Variants in SLC6A2 observed in about 807,000 individuals in gnomAD.
SLC6A2 encodes solute carrier family 6 member 2.
SLC6A2 carries 26 observed loss-of-function variants against 71.7 expected under a neutral mutation model. The ratio of observed to expected loss-of-function variants is 0.36; its 90% CI spans 0.27 to 0.50. The LOEUF (loss-of-function observed/expected upper bound fraction) is 0.50, where lower values mean the gene tolerates loss of function less well. Ranked by LOEUF, SLC6A2 falls within the 20% of genes least tolerant of loss-of-function variation. The pLI is 0.96. For missense variants in SLC6A2, 581 were observed against 803.9 expected (o/e 0.72, Z 3.35); for synonymous variants, 363 against 337.9 (o/e 1.07, Z -0.82).
At chr16:55,662,939 C>G (rs1964648827) in intron 2 of SLC6A2, among the ~76,000 whole-genome samples, 1 of 152,206 alleles carries the variant, frequency 6.6e-6, no homozygotes, top group African/African-American at 2.4e-5. Flanking sequence ...CAGACACCAG[C>G]TGAGTGCCTC....
intron 8 of SLC6A2, 105 bp downstream of exon 8, chr16:55,695,507 T>G (rs926312304): frequency 4.4e-6 from 6 of 1,350,250 alleles, no homozygotes; most frequent in Non-Finnish European, 6.3e-6. Flanking sequence ...AATACTGGGT[T>G]GTCCATGGAG....
chr16:55,664,210 C>A (rs577744534), intron 2 of SLC6A2, among the ~76,000 whole-genome samples: 2 of 152,168 alleles, frequency 1.3e-5, no homozygotes, highest in Admixed American at 6.5e-5. Flanking sequence ...TCCTGTCCCC[C>A]GCTCTGGCCG....
At chr16:55,683,152 G>T (rs1965331943) in intron 4 of SLC6A2, among the ~76,000 whole-genome samples, 1 of 152,200 alleles carries the variant, frequency 6.6e-6, no homozygotes, top group Non-Finnish European at 1.5e-5. Flanking sequence ...TACTGTTTCA[G>T]CAGTCAGTCT....
Position 55,656,492 on chromosome 16 carries a change from A to AT in SLC6A2, c.-51-147dup. 2 of 644,938 alleles carry AT rather than the reference A, an allele frequency of 3.1e-6. No individual in the cohort carries two copies. Among genetic ancestry groups the AT allele is most frequent in the Non-Finnish European group, 5.4e-6 (2 of 371,152 alleles). 40.0% of individuals were successfully genotyped at this position (644,938 alleles called of 1,614,324 possible). ...GGCGTGCCCCAACCTCTGTTTCCAA[A>AT]TTTTTCCAGCGGACGCGCGCCCTTT... On this transcript the variant is annotated intron_variant, in intron 1 of 14. Transcript: ENST00000568943. The surrounding 1 kb of genome is among the most constrained non-coding windows in gnomAD (Gnocchi z 4.5).
intron 13 of SLC6A2, 28 bp downstream of exon 13, chr16:55,700,334 A>G (rs748666837): frequency 9.7e-7 from 1 of 1,026,768 alleles, no homozygotes; most frequent in Non-Finnish European, 1.4e-6. Flanking sequence ...CCAGGGGAAC[A>G]GGGTGGGAGG....
intron 5 of SLC6A2, among the ~76,000 whole-genome samples, chr16:55,688,814 C>G (rs951990179): frequency 3.3e-5 from 5 of 152,174 alleles, no homozygotes; most frequent in African/African-American, 1.2e-4. Flanking sequence ...ACCTCACCAC[C>G]TTCCTGGGCA....
chr16:55,658,786 T>G lies in SLC6A2; in HGVS notation c.274+1818T>G, dbSNP rs1021684804. On this transcript the variant is annotated intron_variant, in intron 2 of 14. Transcript: ENST00000568943. ...GATCCGTGGGGAAACAACTTGTGAC[T>G]CTGCGGGCTCAATGTTTGTGTCTGG... 1.1e-4 allele frequency among the ~76,000 whole-genome samples: 17 copies of G among 152,282 alleles called. No individual in the cohort carries two copies. In the East Asian group the frequency reaches 3.3e-3, roughly 29 times the overall value.
intron 5 of SLC6A2, among the ~76,000 whole-genome samples, chr16:55,689,163 C>A (rs1371078169): frequency 6.6e-6 from 1 of 152,194 alleles, no homozygotes; most frequent in East Asian, 1.9e-4. Context: ...CCAAGCCTTT[C>A]TTCTGTTTAC....
At chr16:55,676,734 C>A (rs186424573) in intron 4 of SLC6A2, among the ~76,000 whole-genome samples, 61 of 152,344 alleles carry the variant, frequency 4.0e-4, no homozygotes, top group African/African-American at 1.4e-3. Context: ...CCTTTCTATA[C>A]TACATTTTAA....
intron 4 of SLC6A2, among the ~76,000 whole-genome samples, chr16:55,676,101 C>T (rs2142528354): frequency 6.6e-6 from 1 of 152,282 alleles, no homozygotes; most frequent in Non-Finnish European, 1.5e-5. Flanking sequence ...ATCCATGATT[C>T]CCATGGACTT....
Position 55,656,857 on chromosome 16 carries a change from C to G in SLC6A2, c.163C>G (p.Pro55Ala). The G allele has an allele frequency of 6.2e-7, 1 of 1,613,846 alleles. No homozygotes were observed. Among genetic ancestry groups the G allele is most frequent in the Non-Finnish European group, 8.5e-7 (1 of 1,179,886 alleles). Residue 55 changes from proline to alanine, a missense_variant, in exon 2 of 15, where the codon CCC becomes GCC. Coordinates refer to ENST00000568943, the MANE Select transcript of SLC6A2 (RefSeq NM_001172501.3). The surrounding 1 kb of genome is among the most constrained non-coding windows in gnomAD (Gnocchi z 4.5). Reference sequence around the variant, plus strand: ...GGCGCCCCGCGACGGCGACGCGCAGCCCCGGGAGACCTGGGGCAAGAAGAT... The same window carrying G: ...GGCGCCCCGCGACGGCGACGCGCAGGCCCGGGAGACCTGGGGCAAGAAGAT... ...LLAPRDGDAQ[P>A]RETWGKKIDF...
intron 8 of SLC6A2, among the ~76,000 whole-genome samples, chr16:55,695,823 A>G (rs1292612014): frequency 2.6e-5 from 4 of 152,154 alleles, no homozygotes; most frequent in Admixed American, 2.6e-4. Context: ...TCACACCCCA[A>G]TCAATCCAGC....
At chr16:55,675,314 G>C (rs1965050800) in intron 4 of SLC6A2, among the ~76,000 whole-genome samples, 1 of 152,230 alleles carries the variant, frequency 6.6e-6, no homozygotes, top group Non-Finnish European at 1.5e-5. Flanking sequence ...TTGTGGGGCA[G>C]ACAGGATAGA....
At chr16:55,669,544 C>A (rs748640037) in intron 2 of SLC6A2, 21 bp from the exon 3 acceptor site, 1 of 1,613,576 alleles carries the variant, frequency 6.2e-7, no homozygotes. Flanking sequence ...TCAGGTCACA[C>A]TCTGCCCCTG....
chr16:55,694,949 C>G (rs11862207), intron 7 of SLC6A2, among the ~76,000 whole-genome samples: 1 of 152,142 alleles, frequency 6.6e-6, no homozygotes, highest in Non-Finnish European at 1.5e-5. Context: ...ATAAGGAAGG[C>G]TGGGTCTTCT....
chr16:55,686,866 G>A (rs1189872604), intron 5 of SLC6A2, among the ~76,000 whole-genome samples: 4 of 152,192 alleles, frequency 2.6e-5, no homozygotes, highest in African/African-American at 7.2e-5. Flanking sequence ...GCACCTAGTA[G>A]GTCTTCAGTA....
At chr16:55,697,775 G>C in intron 9 of SLC6A2, 122 bp from the exon 10 acceptor site, 1 of 1,018,904 alleles carries the variant, frequency 9.8e-7, no homozygotes, top group Non-Finnish European at 1.5e-6. Context: ...CTGATTTCTC[G>C]AGAGAGGCAA....
At position 55,702,351 on chromosome 16, in the gene SLC6A2, G is replaced by A. The variant is rs763354719; in HGVS notation, c.*5G>A. ...CAACACTGGCTGGCCATCTGAGCCT[G>A]CCTGGAGGAGAAGGAGGAACCCCCA... On this transcript the variant is annotated 3_prime_UTR_variant, in exon 15 of 15. Transcript: ENST00000568943. 35 of 1,614,094 alleles carry A rather than the reference G, an allele frequency of 2.2e-5. No individual in the cohort carries two copies. In the South Asian group the frequency reaches 3.5e-4, roughly 16 times the overall value.
At chr16:55,675,318 G>A (rs1965050884) in intron 4 of SLC6A2, among the ~76,000 whole-genome samples, 3 of 152,186 alleles carry the variant, frequency 2.0e-5, no homozygotes, top group Non-Finnish European at 4.4e-5. Context: ...GGGGCAGACA[G>A]GATAGATTCC....
Sources: allele counts gnomAD v4.1 joint callset (sites outside exome capture counted in the v4.1 genomes callset), GRCh38; gene constraint gnomAD v4.1.1; non-coding constraint Gnocchi (gnomAD v3.1); transcripts MANE v1.5; gene names NCBI Gene and HGNC (gene_info 2026-07-23, HGNC 2026-07-21).